The following ARHGAP6 variants were observed in gnomAD, a reference collection of about 807,000 sequenced individuals.
The protein encoded by ARHGAP6 is Rho GTPase activating protein 6, also known as rho GTPase-activating protein 6.
A neutral mutation model predicts 55.7 loss-of-function variants in ARHGAP6; 16 were observed. The observed-to-expected ratio is 0.29, with a 90% CI of 0.19 to 0.44. The LOEUF (loss-of-function observed/expected upper bound fraction) is 0.44. Among genes scored for constraint, ARHGAP6 ranks in the 20% least tolerant of loss-of-function variants. ARHGAP6 has a pLI of 1.00. For synonymous variants in ARHGAP6, 382 were observed against 360.9 expected (o/e 1.06, Z -0.66); for missense variants, 698 against 808.9 (o/e 0.86, Z 1.66).
At chrX:11,232,980 A>G (rs1294183383) in intron 2 of ARHGAP6, among the ~76,000 whole-genome samples, 2 of 112,566 alleles carry the variant, frequency 1.8e-5, no homozygotes, top group African/African-American at 3.2e-5. Flanking sequence ...GGAGGTGCAC[A>G]ATACACACGT....
At chrX:11,388,171 C>G (rs1032719950) in intron 1 of ARHGAP6, among the ~76,000 whole-genome samples, 1 of 112,188 alleles carries the variant, frequency 8.9e-6, no homozygotes, top group African/African-American at 3.2e-5. Flanking sequence ...GTCCCACCAA[C>G]AGTGTAAAAG....
chrX:11,393,504 T>C (rs903789343), intron 1 of ARHGAP6, among the ~76,000 whole-genome samples: 2 of 112,127 alleles, frequency 1.8e-5, no homozygotes, highest in African/African-American at 6.5e-5. Context: ...TTATATGATG[T>C]GTTCTATTCT....
At chrX:11,434,161 C>T (rs1434103535) in intron 1 of ARHGAP6, among the ~76,000 whole-genome samples, 7 of 112,123 alleles carry the variant, frequency 6.2e-5, no homozygotes, top group African/African-American at 6.5e-5. Flanking sequence ...CTGCACAGGA[C>T]GGCCTTCACA....
intron 1 of ARHGAP6, among the ~76,000 whole-genome samples, chrX:11,345,968 AT>A (rs72082446): frequency 0.057 from 5,955 of 103,666 alleles, 195 homozygotes; most frequent in African/African-American, 0.12. Flanking sequence ...TTTTAGGCAC[AT>A]TTTTTTTTTT....
At chrX:11,295,637 C>T (rs1461013830) in intron 1 of ARHGAP6, among the ~76,000 whole-genome samples, 1 of 110,770 alleles carries the variant, frequency 9.0e-6, no homozygotes, top group Non-Finnish European at 1.9e-5. Context: ...CCTCTCTCAC[C>T]CACAAAACCA....
At chrX:11,489,069 C>T (rs1418224870) in intron 1 of ARHGAP6, among the ~76,000 whole-genome samples, 4 of 112,162 alleles carry the variant, frequency 3.6e-5, no homozygotes, top group Non-Finnish European at 1.9e-5. Context: ...ATGAGAAGTT[C>T]CTAATGAATC....
At chrX:11,340,590 G>T (rs374576600) in intron 1 of ARHGAP6, among the ~76,000 whole-genome samples, 3 of 108,623 alleles carry the variant, frequency 2.8e-5, no homozygotes, top group East Asian at 2.8e-4. Context: ...TTAGCCGGGC[G>T]TAGTGGCGGG....
intron 2 of ARHGAP6, among the ~76,000 whole-genome samples, chrX:11,199,392 T>C (rs779644154): frequency 5.4e-5 from 6 of 111,697 alleles, no homozygotes; most frequent in South Asian, 3.8e-4. Flanking sequence ...CCACTCCAGA[T>C]ATGCTAAATC....
intron 9 of ARHGAP6, among the ~76,000 whole-genome samples, chrX:11,158,518 C>A (rs776010930): frequency 8.9e-6 from 1 of 112,402 alleles, no homozygotes; most frequent in African/African-American, 3.2e-5. Context: ...ACTTGATGAA[C>A]CTTTGATACA....
chrX:11,201,987 A>ATGTGTG (rs1250170973), intron 2 of ARHGAP6, among the ~76,000 whole-genome samples: 5 of 28,793 alleles, frequency 1.7e-4, no homozygotes, highest in Admixed American at 4.7e-4. Flanking sequence ...GAGCATCTGG[A>ATGTGTG]TCTGTGTGTG....
intron 1 of ARHGAP6, among the ~76,000 whole-genome samples, chrX:11,602,962 A>G (rs986639387): frequency 1.8e-5 from 2 of 112,142 alleles, no homozygotes; most frequent in Admixed American, 1.9e-4. Flanking sequence ...TAGGACATTT[A>G]AAAATCCCTA....
intron 2 of ARHGAP6, among the ~76,000 whole-genome samples, chrX:11,202,952 C>T (rs1289701892): frequency 9.1e-6 from 1 of 109,842 alleles, no homozygotes; most frequent in African/African-American, 3.3e-5. Context: ...CTGACCCAAA[C>T]CAAGATCAAC....
chrX:11,416,433 C>A (rs1462478763), intron 1 of ARHGAP6, among the ~76,000 whole-genome samples: 1 of 111,361 alleles, frequency 9.0e-6, no homozygotes, highest in East Asian at 2.8e-4. Flanking sequence ...CCTATGTTTG[C>A]AGAATCAGAC....
chrX:11,607,258 T>C (rs2052046407), intron 1 of ARHGAP6, among the ~76,000 whole-genome samples: 1 of 112,072 alleles, frequency 8.9e-6, no homozygotes, highest in Admixed American at 9.5e-5. Context: ...GAACCTTGTT[T>C]CTCTTATCAT....
chrX:11,373,396 A>G (rs752892914), intron 1 of ARHGAP6, among the ~76,000 whole-genome samples: 10 of 110,839 alleles, frequency 9.0e-5, no homozygotes, highest in African/African-American at 1.3e-4. Flanking sequence ...TTAAAAAAAA[A>G]AGAGAGAGAG....
intron 1 of ARHGAP6, among the ~76,000 whole-genome samples, chrX:11,403,754 A>C (rs2049578054): frequency 8.9e-6 from 1 of 112,071 alleles, no homozygotes; most frequent in Non-Finnish European, 1.9e-5. Flanking sequence ...TATACTTCAA[A>C]ACTGAAATTT....
At chrX:11,267,013 A>C (rs1314759502) in intron 1 of ARHGAP6, among the ~76,000 whole-genome samples, 10 of 111,712 alleles carry the variant, frequency 9.0e-5, no homozygotes, top group Non-Finnish European at 1.7e-4. Flanking sequence ...ATTCAGAGTA[A>C]AATCTACCTG....
At chrX:11,426,929 G>A (rs187762507) in intron 1 of ARHGAP6, among the ~76,000 whole-genome samples, 26 of 110,385 alleles carry the variant, frequency 2.4e-4, no homozygotes, top group African/African-American at 7.9e-4. Context: ...TGTATCAACA[G>A]GGAGAACAGA....
At chrX:11,531,318 T>C (rs1032248518) in intron 1 of ARHGAP6, among the ~76,000 whole-genome samples, 12 of 111,820 alleles carry the variant, frequency 1.1e-4, no homozygotes, top group Non-Finnish European at 2.3e-4. Context: ...GTTAATAGAA[T>C]GGACAGAAGT....
Sources: allele counts gnomAD v4.1 joint callset (sites outside exome capture counted in the v4.1 genomes callset), GRCh38; gene constraint gnomAD v4.1.1; transcripts MANE v1.5; gene names NCBI Gene and HGNC (gene_info 2026-07-23, HGNC 2026-07-21).